The following GRIK1 variants were observed in gnomAD, a reference collection of about 807,000 sequenced individuals.
The protein encoded by GRIK1 is glutamate ionotropic receptor kainate type subunit 1.
Under a neutral mutation model 105.7 loss-of-function variants are expected in GRIK1, and 69 were observed. The ratio of observed to expected loss-of-function variants is 0.65; its 90% confidence interval spans 0.54 to 0.80. GRIK1 has a LOEUF of 0.80. GRIK1 is among the 30% of genes least tolerant of loss of function. The pLI, the probability that GRIK1 is intolerant of heterozygous loss-of-function variation, is 0.00. For synonymous variants in GRIK1, 438 were observed against 431.3 expected (o/e 1.02, Z -0.19); for missense variants, 1,109 against 1,167.3 (o/e 0.95, Z 0.73).
intron 1 of GRIK1, among the ~76,000 whole-genome samples, chr21:29,839,146 T>G (rs1349406089): frequency 1.3e-5 from 2 of 152,024 alleles, no homozygotes; most frequent in Non-Finnish European, 2.9e-5. Context: ...GCCTCCCAGG[T>G]TCAAGCGATT....
At chr21:29,834,183 G>A (rs1404975702) in intron 1 of GRIK1, among the ~76,000 whole-genome samples, 1 of 151,630 alleles carries the variant, frequency 6.6e-6, no homozygotes, top group Non-Finnish European at 1.5e-5. Flanking sequence ...TGCAGTTTTA[G>A]TATTTTTTTA....
intron 1 of GRIK1, among the ~76,000 whole-genome samples, chr21:29,930,669 A>C (rs1040675891): frequency 1.3e-5 from 2 of 152,220 alleles, no homozygotes; most frequent in Non-Finnish European, 2.9e-5. Context: ...CAAAAAGTAT[A>C]ATAGTTGAAG....
At chr21:29,794,969 G>A (rs2145834152) in intron 1 of GRIK1, among the ~76,000 whole-genome samples, 1 of 148,554 alleles carries the variant, frequency 6.7e-6, no homozygotes, top group African/African-American at 2.5e-5. Context: ...CAAACAGAAT[G>A]TAAGGTCACC....
At chr21:29,633,391 C>T (rs954278906) in intron 7 of GRIK1, among the ~76,000 whole-genome samples, 1 of 151,934 alleles carries the variant, frequency 6.6e-6, no homozygotes, top group African/African-American at 2.4e-5. Flanking sequence ...CCCAGCTGCT[C>T]GGAGGCTGAG....
At chr21:29,674,765 T>C (rs116745182) in intron 3 of GRIK1, among the ~76,000 whole-genome samples, 2,144 of 152,256 alleles carry the variant, frequency 0.014, 50 homozygotes, top group African/African-American at 0.05. Context: ...GAAATATGAG[T>C]CAATTAAACC....
At chr21:29,648,356 A>G (rs1031049289) in intron 6 of GRIK1, among the ~76,000 whole-genome samples, 1 of 152,204 alleles carries the variant, frequency 6.6e-6, no homozygotes, top group African/African-American at 2.4e-5. Context: ...TTTTAAAAAA[A>G]CACTATTATT....
At chr21:29,753,884 A>G (rs2065269771) in intron 1 of GRIK1, among the ~76,000 whole-genome samples, 2 of 152,150 alleles carry the variant, frequency 1.3e-5, no homozygotes, top group Admixed American at 6.5e-5. Context: ...ATATATAGTT[A>G]TGTAGATCAT....
At chr21:29,770,056 T>G (rs998526129) in intron 1 of GRIK1, among the ~76,000 whole-genome samples, 1 of 152,192 alleles carries the variant, frequency 6.6e-6, no homozygotes, top group Admixed American at 6.5e-5. Flanking sequence ...ACGAGTGCTA[T>G]TCTATAGTCC....
At chr21:29,857,124 A>T (rs2068486882) in intron 1 of GRIK1, among the ~76,000 whole-genome samples, 2 of 152,224 alleles carry the variant, frequency 1.3e-5, no homozygotes, top group Admixed American at 6.5e-5. Context: ...TTCAGTTTCA[A>T]ATGTAAAACA....
intron 1 of GRIK1, among the ~76,000 whole-genome samples, chr21:29,938,422 C>G (rs2071849342): frequency 6.6e-6 from 1 of 152,222 alleles, no homozygotes; most frequent in Non-Finnish European, 1.5e-5. Context: ...ATTCAGCGAA[C>G]AATAACTGGG....
intron 1 of GRIK1, among the ~76,000 whole-genome samples, chr21:29,766,747 G>A (rs1046929315): frequency 3.3e-5 from 5 of 152,308 alleles, no homozygotes; most frequent in African/African-American, 1.2e-4. Flanking sequence ...GTATAAGGGA[G>A]AAGAATAAGT....
At chr21:29,819,593 C>G (rs963511935) in intron 1 of GRIK1, among the ~76,000 whole-genome samples, 4 of 151,896 alleles carry the variant, frequency 2.6e-5, no homozygotes, top group African/African-American at 9.7e-5. Flanking sequence ...AAATTGCATT[C>G]AACCCTGGAA....
At chr21:29,823,915 G>A (rs2067373812) in intron 1 of GRIK1, among the ~76,000 whole-genome samples, 1 of 151,882 alleles carries the variant, frequency 6.6e-6, no homozygotes, top group Non-Finnish European at 1.5e-5. Context: ...TTGGAATAAA[G>A]TAGTATTTTT....
intron 1 of GRIK1, among the ~76,000 whole-genome samples, chr21:29,750,607 G>A (rs573688797): frequency 1.3e-5 from 2 of 152,244 alleles, no homozygotes; most frequent in African/African-American, 4.8e-5. Context: ...AGGACGCCAA[G>A]CAGTATGGTC....
At chr21:29,749,056 C>G (rs1441143366) in intron 1 of GRIK1, 1 of 152,162 alleles carries the variant, frequency 6.6e-6, no homozygotes, top group Non-Finnish European at 1.5e-5. Context: ...ATCAAAGCCA[C>G]GAAGGCTCTC....
Position 29,596,711 on chromosome 21 carries a change from A to G in GRIK1, c.1207-141T>C, listed in dbSNP as rs564417892. ...TTTGGAATTTGCATCTTAATTCAAT[A>G]TAAAGCCTGACAATAGGTACAGCAA... On this transcript the variant is annotated intron_variant, in intron 8 of 17. Coordinates refer to ENST00000327783, the MANE Select transcript of GRIK1 (RefSeq NM_001330994.2). 8 of 710,882 alleles carry G rather than the reference A, an allele frequency of 1.1e-5. No individual in the cohort carries two copies. In the African/African-American group the frequency reaches 1.4e-4, roughly 12 times the overall value. The allele number at this position is 710,882 out of a possible 1,614,324, so 44.0% of individuals were successfully genotyped here. A position where few individuals can be genotyped will look rare whatever the true frequency, so the allele number is the denominator to read the frequency against.
At chr21:29,589,169 C>T in intron 10 of GRIK1, 127 bp from the exon 11 acceptor site, 1 of 626,620 alleles carries the variant, frequency 1.6e-6, no homozygotes, top group South Asian at 1.9e-5. Flanking sequence ...AAGTCATTCA[C>T]TCATCTGCCT....
At chr21:29,720,898 G>A (rs905971598) in intron 1 of GRIK1, among the ~76,000 whole-genome samples, 1 of 152,046 alleles carries the variant, frequency 6.6e-6, no homozygotes, top group Non-Finnish European at 1.5e-5. Context: ...ACTCCAAAAG[G>A]AATGCAATAT....
rs556691470 is a variant in GRIK1, at chr21:29,853,634, G to A, written c.118+85749C>T. 2.0e-5 allele frequency among the ~76,000 whole-genome samples: 3 copies of A among 152,254 alleles called. No individual in the cohort carries two copies. In the South Asian group the frequency reaches 6.2e-4, roughly 32 times the overall value. On this transcript the variant is annotated intron_variant, in intron 1 of 17. Transcript: ENST00000327783. Reference sequence around the variant, plus strand: ...CAACTATGCTTTCCTCTAGTCAACTGCATATGACTCATGGGAATGTCTGAT... The same window carrying A: ...CAACTATGCTTTCCTCTAGTCAACTACATATGACTCATGGGAATGTCTGAT...
Sources: allele counts gnomAD v4.1 joint callset (sites outside exome capture counted in the v4.1 genomes callset), GRCh38; gene constraint gnomAD v4.1.1; transcripts MANE v1.5; gene names NCBI Gene and HGNC (gene_info 2026-07-23, HGNC 2026-07-21).